Variants in FARSB observed in about 807,000 individuals in gnomAD.
FARSB encodes the protein phenylalanine--tRNA ligase beta subunit.
A neutral mutation model predicts 69.6 loss-of-function variants in FARSB; 40 were observed. The ratio of observed to expected loss-of-function variants is 0.57; its 90% CI spans 0.45 to 0.75. The LOEUF is 0.75. FARSB is among the 30% of genes least tolerant of loss of function. The pLI is 0.00. For missense variants in FARSB, 632 were observed against 722.9 expected, an observed-to-expected ratio of 0.87 and a Z score of 1.44; for synonymous variants, 235 against 247.2, an observed-to-expected ratio of 0.95 and a Z score of 0.46.
At chr2:222,573,126 G>A (rs1302892376) in intron 16 of FARSB, among the ~76,000 whole-genome samples, 3 of 152,162 alleles carry the variant, frequency 2.0e-5, no homozygotes. Context: ...CAGGTTGGAG[G>A]GGAGGGGAAC....
chr2:222,571,970 G>A lies in FARSB; in HGVS notation c.1671C>T (p.Ser557=), dbSNP rs763107652. 29 of 1,613,814 alleles carry A rather than the reference G, an allele frequency of 1.8e-5. No homozygotes were observed. Among genetic ancestry groups the A allele is most frequent in the Admixed American group, 3.3e-5 (2 of 59,972 alleles). ...RCAEIFARGQ[S]VGKLGVLHPD... ...GATGAAGGACCCCAAGCTTCCCGAC[G>A]CTTTGACCCCTGGCAAAGATCTCTG... Residue 557 remains serine (S), a synonymous_variant, in exon 17 of 17, where the codon AGC becomes AGT. Coordinates refer to ENST00000281828, the MANE Select transcript of FARSB (RefSeq NM_005687.5).
chr2:222,636,557 G>A (rs887224546), intron 5 of FARSB, among the ~76,000 whole-genome samples: 1 of 151,694 alleles, frequency 6.6e-6, no homozygotes, highest in African/African-American at 2.4e-5. Flanking sequence ...CACAAAAAAA[G>A]GTTTACAACA....
At chr2:222,608,126 A>G (rs2106205131) in intron 15 of FARSB, among the ~76,000 whole-genome samples, 1 of 152,310 alleles carries the variant, frequency 6.6e-6, no homozygotes, top group Non-Finnish European at 1.5e-5. Flanking sequence ...TACTTCAAAA[A>G]TTGTTAATGT....
intron 8 of FARSB, among the ~76,000 whole-genome samples, chr2:222,631,185 T>C (rs1416582584): frequency 6.6e-6 from 1 of 151,866 alleles, no homozygotes. Flanking sequence ...CCAGTTCCTT[T>C]TTTTTTTTTA....
chr2:222,634,384 T>C lies in FARSB; in HGVS notation c.606+7A>G. The C allele has an allele frequency of 1.3e-6, 2 of 1,544,396 alleles. No individual in the cohort carries two copies. Among genetic ancestry groups the C allele is most frequent in the Non-Finnish European group, 8.7e-7 (1 of 1,145,498 alleles). On this transcript the variant is annotated splice_region_variant and intron_variant, in intron 6 of 16. Transcript: ENST00000281828. ...AAAGCTGCTGCATAATCAAAAAGAATATTTACCTTGTATATGTTCATCAGT... is the reference window on the plus strand; with the variant it reads ...AAAGCTGCTGCATAATCAAAAAGAACATTTACCTTGTATATGTTCATCAGT...
intron 16 of FARSB, among the ~76,000 whole-genome samples, chr2:222,597,967 C>G (rs1055182771): frequency 6.6e-6 from 1 of 152,206 alleles, no homozygotes; most frequent in African/African-American, 2.4e-5. Context: ...AATATAGTTT[C>G]AAGCTCCTTC....
chr2:222,602,574 CT>C (rs936199138), intron 15 of FARSB, among the ~76,000 whole-genome samples: 5,566 of 138,548 alleles, frequency 0.04, 299 homozygotes, highest in African/African-American at 0.13. Flanking sequence ...GGTGGCTTTT[CT>C]TTTTTTTTTT....
chr2:222,574,881 G>A (rs1338856683), intron 16 of FARSB, among the ~76,000 whole-genome samples: 2 of 152,212 alleles, frequency 1.3e-5, no homozygotes, highest in Non-Finnish European at 2.9e-5. Context: ...TGGTACAACA[G>A]AGAGAACCTA....
chr2:222,602,574 C>CT (rs936199138), intron 15 of FARSB, among the ~76,000 whole-genome samples: 51 of 138,632 alleles, frequency 3.7e-4, no homozygotes, highest in South Asian at 1.4e-3. Flanking sequence ...GGTGGCTTTT[C>CT]TTTTTTTTTT....
At chr2:222,621,972 G>A (rs537361261) in intron 13 of FARSB, among the ~76,000 whole-genome samples, 60 of 152,276 alleles carry the variant, frequency 3.9e-4, no homozygotes, top group Non-Finnish European at 6.9e-4. Context: ...AGTGACTTTG[G>A]ACAGCTAAAC....
rs370506428 is a variant in FARSB, at chr2:222,646,645, G to A, written c.114+2095C>T. 5.9e-5 allele frequency among the ~76,000 whole-genome samples: 9 copies of A among 152,116 alleles called. No homozygotes were observed. In the East Asian group the frequency reaches 1.5e-3, roughly 26 times the overall value. On this transcript the variant is annotated intron_variant, in intron 2 of 16. Transcript: ENST00000281828. ...TCTTTAGTAGATATTTTAATGAGGA[G>A]GTATAATCTGAAAATTTTGTTAGGC... is the stretch of plus-strand genomic sequence containing the variant.
rs1260509897 is a variant in FARSB, at chr2:222,625,295, C to T, written c.901-520G>A. On this transcript the variant is annotated intron_variant, in intron 10 of 16. Coordinates refer to ENST00000281828, the MANE Select transcript of FARSB (RefSeq NM_005687.5). ...GTCTCCTTCAAACAGTATATAACTC[C>T]ACCGTATTAGTGAGGTGAGAACACA... Among the ~76,000 whole-genome samples, 3 of 152,174 alleles carry T rather than the reference C, an allele frequency of 2.0e-5. No homozygotes were observed. The East Asian group carries it at 5.8e-4, about 29-fold the overall frequency.
At chr2:222,655,940 G>A (rs1215371748) in intron 1 of FARSB, 76 bp downstream of exon 1, 1 of 1,210,980 alleles carries the variant, frequency 8.3e-7, no homozygotes, top group African/African-American at 1.5e-5. Context: ...CATGAATGTC[G>A]CCACATTGCC....
At chr2:222,655,958 AG>A in intron 1 of FARSB, 57 bp downstream of exon 1, 2 of 1,357,214 alleles carry the variant, frequency 1.5e-6, no homozygotes, top group South Asian at 1.2e-5. Context: ...GCCCTTTTGG[AG>A]GGAGGCCCTG....
At chr2:222,645,842 A>G (rs773524766) in intron 2 of FARSB, among the ~76,000 whole-genome samples, 1 of 152,114 alleles carries the variant, frequency 6.6e-6, no homozygotes, top group Non-Finnish European at 1.5e-5. Context: ...TTTATGAGAA[A>G]AACTGGACAA....
chr2:222,586,166 G>A (rs1444389139), intron 16 of FARSB, among the ~76,000 whole-genome samples: 1 of 152,288 alleles, frequency 6.6e-6, no homozygotes, highest in Non-Finnish European at 1.5e-5. Context: ...GATCTCTCAG[G>A]AGAAACTCTA....
intron 2 of FARSB, among the ~76,000 whole-genome samples, chr2:222,643,566 T>C (rs1278070618): frequency 6.6e-6 from 1 of 151,900 alleles, no homozygotes; most frequent in South Asian, 2.1e-4. Context: ...ATTCACTAAA[T>C]AAAAGAAACA....
At chr2:222,639,180 A>T (rs1314114089) in intron 5 of FARSB, among the ~76,000 whole-genome samples, 6 of 152,256 alleles carry the variant, frequency 3.9e-5, no homozygotes, top group Non-Finnish European at 8.8e-5. Flanking sequence ...TTTCCATTTT[A>T]AAAATGATAT....
chr2:222,656,035 T>G lies in FARSB; in HGVS notation c.39A>C (p.Gln13His). Residue 13 changes from glutamine to histidine, a missense_variant, in exon 1 of 17, where the codon CAA (glutamine) becomes CAC (histidine). Transcript: ENST00000281828. ...TVSVKRDLLFQALGRTYTDEE... is the reference protein window; with the variant it reads ...TVSVKRDLLFHALGRTYTDEE... ...ACTCACTGTAGGTGCGGCCCAGGGC[T>G]TGGAAGAGCAGATCACGCTTCACGC... 1.3e-6 allele frequency: 2 copies of G among 1,596,434 alleles called. No individual in the cohort carries two copies. Among genetic ancestry groups the G allele is most frequent in the Non-Finnish European group, 8.5e-7 (1 of 1,172,274 alleles).
Sources: allele counts gnomAD v4.1 joint callset (sites outside exome capture counted in the v4.1 genomes callset), GRCh38; gene constraint gnomAD v4.1.1; transcripts MANE v1.5; gene names NCBI Gene and HGNC (gene_info 2026-07-23, HGNC 2026-07-21).